PHACTR1: variants seen among roughly 807,000 people sequenced by gnomAD.
The protein encoded by PHACTR1 is RPEL repeat containing 1.
PHACTR1 carries 16 observed loss-of-function variants against 69.2 expected under a neutral mutation model. The observed-to-expected ratio is 0.23, with a 90% CI of 0.16 to 0.35. The LOEUF is 0.35. Ranked by LOEUF, PHACTR1 falls within the 10% of genes least tolerant of loss-of-function variation. The pLI, the probability that PHACTR1 is intolerant of heterozygous loss-of-function variation, is 1.00. For synonymous variants in PHACTR1, 312 were observed against 284.5 expected, an observed-to-expected ratio of 1.10 and a Z score of -0.97; for missense variants, 510 against 734.7, an observed-to-expected ratio of 0.69 and a Z score of 3.54.
chr6:12,827,185 A>C (rs1342714717), intron 4 of PHACTR1, among the ~76,000 whole-genome samples: 1 of 152,144 alleles, frequency 6.6e-6, no homozygotes, highest in Admixed American at 6.5e-5. Context: ...TCTTTTACTT[A>C]ATTACTTTAG....
intron 6 of PHACTR1, among the ~76,000 whole-genome samples, chr6:13,176,504 A>G (rs1181563356): frequency 2.0e-5 from 3 of 152,102 alleles, no homozygotes; most frequent in South Asian, 2.1e-4. Context: ...TTGGAAGAGT[A>G]TGTTCTTTTA....
intron 5 of PHACTR1, among the ~76,000 whole-genome samples, chr6:13,142,093 C>T (rs1426463862): frequency 6.6e-6 from 1 of 152,002 alleles, no homozygotes; most frequent in Non-Finnish European, 1.5e-5. Context: ...ATTACTTGGA[C>T]ATTAAGGTTG....
intron 5 of PHACTR1, among the ~76,000 whole-genome samples, chr6:13,085,797 T>TTA (rs1257955297): frequency 1.3e-5 from 2 of 151,976 alleles, no homozygotes; most frequent in African/African-American, 4.8e-5. Context: ...AAAGAATAAA[T>TTA]TATACATTCA....
chr6:13,167,727 A>T (rs1760018314), intron 6 of PHACTR1, among the ~76,000 whole-genome samples: 2 of 152,206 alleles, frequency 1.3e-5, no homozygotes, highest in Admixed American at 1.3e-4. Flanking sequence ...AATAAAGTAC[A>T]TTGAGGTATG....
chr6:13,114,844 A>G (rs1158082187), intron 5 of PHACTR1, among the ~76,000 whole-genome samples: 1 of 152,254 alleles, frequency 6.6e-6, no homozygotes, highest in Non-Finnish European at 1.5e-5. Context: ...TTTAAAAGTT[A>G]TAAATCTAAA....
At chr6:13,091,047 T>C (rs944217911) in intron 5 of PHACTR1, among the ~76,000 whole-genome samples, 3 of 152,106 alleles carry the variant, frequency 2.0e-5, no homozygotes, top group Non-Finnish European at 4.4e-5. Context: ...AATTTCACTC[T>C]GTTGCCCAGG....
chr6:12,857,890 G>A (rs777363805), intron 4 of PHACTR1, among the ~76,000 whole-genome samples: 6 of 152,172 alleles, frequency 3.9e-5, no homozygotes, highest in Non-Finnish European at 8.8e-5. Flanking sequence ...ACAAGATCTG[G>A]GTTTAAAGTC....
At position 13,228,496 on chromosome 6, in the gene PHACTR1, TTTC is replaced by T. The variant is rs200958083; in HGVS notation, c.1234+436_1234+438del. On this transcript the variant is annotated intron_variant, in intron 9 of 14. Coordinates refer to ENST00000332995, the MANE Select transcript of PHACTR1 (RefSeq NM_030948.6). ...CAACTTTAGAAGGCCTCAATTTAAA[TTTC>T]TTATTTATGACCTTTAAATGTGCTA... Among the ~76,000 whole-genome samples the T allele has an allele frequency of 1.8e-4, 27 of 152,238 alleles. 1 individual carries two copies. The highest frequency in any genetic ancestry group is 7.7e-4 in the East Asian group (4 of 5,202).
chr6:12,745,421 G>T (rs1359396018), intron 3 of PHACTR1, among the ~76,000 whole-genome samples: 1 of 152,192 alleles, frequency 6.6e-6, no homozygotes, highest in Non-Finnish European at 1.5e-5. Context: ...TGGCAGTGGG[G>T]TGGGGAGGGT....
chr6:12,741,621 C>G (rs2127585858), intron 3 of PHACTR1, among the ~76,000 whole-genome samples: 1 of 152,106 alleles, frequency 6.6e-6, no homozygotes, highest in African/African-American at 2.4e-5. Flanking sequence ...ATCTATTTAT[C>G]TTACTTTCTT....
intron 4 of PHACTR1, among the ~76,000 whole-genome samples, chr6:12,846,132 C>A (rs1371802713): frequency 6.6e-6 from 1 of 152,192 alleles, no homozygotes; most frequent in Admixed American, 6.5e-5. Context: ...GACTTTCGCT[C>A]TCCACTTGGA....
At chr6:13,051,740 T>C (rs1438927508) in intron 4 of PHACTR1, among the ~76,000 whole-genome samples, 1 of 152,198 alleles carries the variant, frequency 6.6e-6, no homozygotes, top group Non-Finnish European at 1.5e-5. Context: ...TCACTTACAT[T>C]GAGTTTTATA....
In PHACTR1 at chr6:13,023,941, G is replaced by A. The variant is rs568657269; in HGVS notation, c.251-29424G>A. On this transcript the variant is annotated intron_variant, in intron 4 of 14. Coordinates refer to ENST00000332995, the MANE Select transcript of PHACTR1 (RefSeq NM_030948.6). Reference sequence around the variant, plus strand: ...AAAATACAAAAATTAGCCGGGCATGGTGGCACTTGCCTATAATTCCAGCTA... The same window carrying A: ...AAAATACAAAAATTAGCCGGGCATGATGGCACTTGCCTATAATTCCAGCTA... 7.9e-5 allele frequency among the ~76,000 whole-genome samples: 12 copies of A among 152,258 alleles called. No homozygotes were observed. In the East Asian group the frequency reaches 2.1e-3, roughly 27 times the overall value.
chr6:12,800,088 A>T (rs1251621449), intron 4 of PHACTR1, among the ~76,000 whole-genome samples: 1 of 152,206 alleles, frequency 6.6e-6, no homozygotes, highest in Non-Finnish European at 1.5e-5. Flanking sequence ...AGGTCTTCTT[A>T]TCTCAAACTC....
chr6:13,010,667 C>A (rs934238159), intron 4 of PHACTR1, among the ~76,000 whole-genome samples: 2 of 152,082 alleles, frequency 1.3e-5, no homozygotes, highest in Admixed American at 6.5e-5. Flanking sequence ...TCATATTTTA[C>A]GTAGTGGGGT....
chr6:12,904,363 C>T (rs971468062), intron 4 of PHACTR1, among the ~76,000 whole-genome samples: 4 of 151,856 alleles, frequency 2.6e-5, no homozygotes, highest in Non-Finnish European at 5.9e-5. Context: ...GAAACCCCAT[C>T]TCTACTAAAA....
chr6:12,806,326 C>T (rs1419531701), intron 4 of PHACTR1, among the ~76,000 whole-genome samples: 2 of 152,192 alleles, frequency 1.3e-5, no homozygotes, highest in East Asian at 3.8e-4. Context: ...AGAAAACGTT[C>T]ATTTCTCTTT....
intron 3 of PHACTR1, among the ~76,000 whole-genome samples, chr6:12,720,043 C>A (rs999056772): frequency 6.6e-6 from 1 of 152,188 alleles, no homozygotes; most frequent in African/African-American, 2.4e-5. Context: ...ATGGCTGTTC[C>A]CAGCCACTTA....
intron 5 of PHACTR1, among the ~76,000 whole-genome samples, chr6:13,154,136 T>G (rs913180179): frequency 2.6e-4 from 40 of 152,132 alleles, no homozygotes; most frequent in African/African-American, 9.7e-4. Context: ...TGTGGACACT[T>G]GGATTTTATA....
Sources: gnomAD v4.1 joint callset for allele counts (sites outside exome capture counted in the v4.1 genomes callset) on GRCh38, gnomAD v4.1.1 for gene constraint, MANE v1.5 for transcripts, NCBI Gene and HGNC (gene_info 2026-07-23, HGNC 2026-07-21) for gene names.